Variants in PCDH15 observed in about 807,000 individuals in gnomAD.
PCDH15 encodes the protein protocadherin related 15.
A neutral mutation model predicts 178.5 loss-of-function variants in PCDH15; 129 were observed. The observed-to-expected ratio is 0.72, with a 90% CI of 0.63 to 0.84. The LOEUF is 0.84. PCDH15 is among the 40% of genes least tolerant of loss of function. PCDH15 has a pLI of 0.00. For missense variants in PCDH15, 2,230 were observed against 2,099.9 expected, an observed-to-expected ratio of 1.06 and a Z score of -1.21; for synonymous variants, 800 against 732.0, an observed-to-expected ratio of 1.09 and a Z score of -1.50.
At position 55,040,881 on chromosome 10, in the gene PCDH15, T is replaced by G. The variant is rs547902998; in HGVS notation, c.-80+125695A>C. 2.6e-5 allele frequency among the ~76,000 whole-genome samples: 4 copies of G among 152,184 alleles called. No homozygotes were observed. The East Asian group carries it at 7.7e-4, about 29-fold the overall frequency. ...CTTTATTTGTATCTGCAGAGAGAGA[T>G]GAGATAAACATTGTGAAGTAATAAC... On this transcript the variant is annotated intron_variant, in intron 2 of 5. Coordinates refer to the PCDH15 transcript ENST00000458638.
At chr10:55,262,909 G>A (rs1407428067) in intron 1 of PCDH15, among the ~76,000 whole-genome samples, 1 of 152,094 alleles carries the variant, frequency 6.6e-6, no homozygotes, top group Non-Finnish European at 1.5e-5. Context: ...CACGCCCATT[G>A]GGACTTCAGC....
chr10:54,247,021 A>C (rs1338412060), intron 8 of PCDH15, among the ~76,000 whole-genome samples: 4 of 151,950 alleles, frequency 2.6e-5, no homozygotes. Flanking sequence ...AGAGTTCTTC[A>C]TATATTATAA....
At chr10:54,150,381 T>C (rs901857374) in intron 14 of PCDH15, among the ~76,000 whole-genome samples, 7 of 152,084 alleles carry the variant, frequency 4.6e-5, no homozygotes, top group Non-Finnish European at 1.0e-4. Context: ...CTACACCTGG[T>C]GTAGTATTGA....
intron 2 of PCDH15, among the ~76,000 whole-genome samples, chr10:54,641,960 T>C (rs1480055936): frequency 2.6e-5 from 4 of 152,112 alleles, no homozygotes; most frequent in Non-Finnish European, 5.9e-5. Flanking sequence ...TCTACATACC[T>C]CCTCAGTTTC....
intron 3 of PCDH15, among the ~76,000 whole-genome samples, chr10:54,421,885 C>T (rs74204927): frequency 3.4e-3 from 79 of 22,972 alleles, no homozygotes; most frequent in Non-Finnish European, 5.5e-3. Flanking sequence ...TATATATATA[C>T]ACACACACAC....
At chr10:54,091,848 G>A (rs2094605307) in intron 15 of PCDH15, among the ~76,000 whole-genome samples, 1 of 151,964 alleles carries the variant, frequency 6.6e-6, no homozygotes, top group African/African-American at 2.4e-5. Flanking sequence ...GTTGGTCCTT[G>A]AACTTCACTT....
chr10:55,456,161 C>T (rs1019185622), intron 2 of PCDH15, among the ~76,000 whole-genome samples: 2 of 151,968 alleles, frequency 1.3e-5, no homozygotes, highest in African/African-American at 4.8e-5. Flanking sequence ...AAGCAAAATA[C>T]ATAATAGCAT....
intron 20 of PCDH15, among the ~76,000 whole-genome samples, chr10:54,010,252 C>T (rs1277670059): frequency 1.4e-5 from 1 of 70,800 alleles, no homozygotes; most frequent in East Asian, 2.0e-4. Flanking sequence ...TACAGAAAAG[C>T]GGGTAGGCTG....
chr10:54,138,906 T>A (rs935271133), intron 14 of PCDH15, among the ~76,000 whole-genome samples: 1 of 151,914 alleles, frequency 6.6e-6, no homozygotes, highest in Non-Finnish European at 1.5e-5. Context: ...TGTATTACGT[T>A]TTTTTTTGTC....
At chr10:54,861,272 A>G (rs954427018) in intron 3 of PCDH15, among the ~76,000 whole-genome samples, 3 of 152,162 alleles carry the variant, frequency 2.0e-5, no homozygotes, top group African/African-American at 7.2e-5. Flanking sequence ...GCACAATCAG[A>G]AATGATAAAA....
intron 20 of PCDH15, among the ~76,000 whole-genome samples, chr10:54,003,263 G>C (rs1393665662): frequency 6.6e-6 from 1 of 151,914 alleles, no homozygotes; most frequent in Non-Finnish European, 1.5e-5. Flanking sequence ...AAAGATCAGA[G>C]CAGAAATAAA....
At chr10:54,579,782 T>A (rs182404085) in intron 2 of PCDH15, among the ~76,000 whole-genome samples, 11 of 152,052 alleles carry the variant, frequency 7.2e-5, no homozygotes, top group Admixed American at 3.3e-4. Flanking sequence ...TCAACCATAC[T>A]CTTGAACCAC....
At chr10:54,701,555 G>C (rs1458784448) in intron 1 of PCDH15, among the ~76,000 whole-genome samples, 1 of 151,944 alleles carries the variant, frequency 6.6e-6, no homozygotes, top group Non-Finnish European at 1.5e-5. Context: ...GTCTTCAAGA[G>C]AACTATTTCA....
chr10:55,625,421 C>T (rs1263657154), intron 2 of PCDH15, among the ~76,000 whole-genome samples: 3 of 152,246 alleles, frequency 2.0e-5, no homozygotes, highest in African/African-American at 7.2e-5. Flanking sequence ...TAACACTAAG[C>T]CTGTAAATTT....
At chr10:53,832,113 T>C (rs769678506) in intron 29 of PCDH15, among the ~76,000 whole-genome samples, 14 of 151,088 alleles carry the variant, frequency 9.3e-5, no homozygotes, top group South Asian at 6.2e-4. Context: ...TGTTTTATGG[T>C]CAAATGGTGA....
chr10:54,975,156 G>A (rs1488576460), intron 2 of PCDH15, among the ~76,000 whole-genome samples: 3 of 152,084 alleles, frequency 2.0e-5, no homozygotes, highest in Non-Finnish European at 4.4e-5. Context: ...TGGTCTATTT[G>A]CTTTCTGTTA....
At chr10:54,903,209 A>G (rs1954666403) in intron 2 of PCDH15, among the ~76,000 whole-genome samples, 1 of 152,112 alleles carries the variant, frequency 6.6e-6, no homozygotes, top group Non-Finnish European at 1.5e-5. Context: ...CATCAACACT[A>G]CAGTGTTCGT....
intron 15 of PCDH15, among the ~76,000 whole-genome samples, chr10:54,125,130 G>A (rs1266549636): frequency 6.6e-6 from 1 of 151,864 alleles, no homozygotes; most frequent in African/African-American, 2.4e-5. Context: ...CACCCAATTC[G>A]TTCATTAGTC....
chr10:54,369,078 A>G lies in PCDH15; in HGVS notation c.474+42T>C, dbSNP rs1043009562. 1.0e-5 allele frequency: 16 copies of G among 1,599,850 alleles called. No individual in the cohort carries two copies. In the African/African-American group the frequency reaches 1.9e-4, roughly 19 times the overall value. On this transcript the variant is annotated intron_variant, in intron 5 of 37. Coordinates refer to ENST00000644397, the MANE Select transcript of PCDH15 (RefSeq NM_001384140.1). ...ATTTATTGTATATAGTTAGATACAT[A>G]TATCAACAGAAAGGACAGAGAGAGA...
Sources: allele counts gnomAD v4.1 joint callset (sites outside exome capture counted in the v4.1 genomes callset), GRCh38; gene constraint gnomAD v4.1.1; transcripts MANE v1.5; gene names NCBI Gene and HGNC (gene_info 2026-07-23, HGNC 2026-07-21).